Variants in RALGPS1 observed in about 807,000 individuals in gnomAD.
The protein encoded by RALGPS1 is Ral GEF with PH domain and SH3 binding motif 1.
RALGPS1 carries 19 observed loss-of-function variants against 78.8 expected under a neutral mutation model. The observed-to-expected ratio is 0.24, with a 90% CI of 0.17 to 0.35. The LOEUF is 0.35. RALGPS1 is among the 10% of genes least tolerant of loss of function. RALGPS1 has a pLI of 1.00. For missense variants in RALGPS1, 454 were observed against 688.3 expected (o/e 0.66, Z 3.81); for synonymous variants, 228 against 256.3 (o/e 0.89, Z 1.06).
chr9:127,114,809 G>C (rs1164849092), intron 8 of RALGPS1, among the ~76,000 whole-genome samples: 2 of 152,280 alleles, frequency 1.3e-5, no homozygotes, highest in Non-Finnish European at 1.5e-5. Context: ...GTTCTGGGAA[G>C]CTAGAAGCCT....
intron 4 of RALGPS1, among the ~76,000 whole-genome samples, chr9:127,030,289 TAGA>T (rs1305322294): frequency 2.6e-5 from 4 of 152,066 alleles, no homozygotes; most frequent in African/African-American, 9.7e-5. Flanking sequence ...GGGAGAAATA[TAGA>T]AGAATGTAGA....
Position 127,091,427 on chromosome 9 carries a change from T to C in RALGPS1, c.610+22071T>C, listed in dbSNP as rs1429246923. ...GGTACGTGTGATTTGTATACCTCTT[T>C]ATGTCTCGCCCCATCCCATTTTTTT... On this transcript the variant is annotated intron_variant, in intron 8 of 18. Coordinates refer to ENST00000259351, the MANE Select transcript of RALGPS1 (RefSeq NM_014636.3). This position sits in a 1 kb window ranked among gnomAD's most constrained non-coding sequence, Gnocchi z 4.3. 3.3e-5 allele frequency among the ~76,000 whole-genome samples: 5 copies of C among 152,176 alleles called. No homozygotes were observed. The highest frequency in any genetic ancestry group is 7.3e-5 in the Non-Finnish European group (5 of 68,034).
chr9:127,060,612 G>C (rs1054645020), intron 7 of RALGPS1, among the ~76,000 whole-genome samples: 1 of 152,066 alleles, frequency 6.6e-6, no homozygotes, highest in African/African-American at 2.4e-5. Context: ...TTGTATGACA[G>C]GGCCTTTTAC....
chr9:126,929,953 A>G (rs908784692), intron 1 of RALGPS1, among the ~76,000 whole-genome samples: 9 of 151,896 alleles, frequency 5.9e-5, no homozygotes, highest in African/African-American at 2.2e-4. Flanking sequence ...TGATCCTTCC[A>G]CCTCAGCCTC....
intron 5 of RALGPS1, among the ~76,000 whole-genome samples, chr9:127,036,229 A>G (rs2046854631): frequency 6.6e-6 from 1 of 152,258 alleles, no homozygotes; most frequent in African/African-American, 2.4e-5. Flanking sequence ...GAGAGCCAGC[A>G]GCTTCTGGAC....
chr9:127,216,947 C>G (rs769548398), intron 18 of RALGPS1: 5 of 1,547,686 alleles, frequency 3.2e-6, no homozygotes, highest in Non-Finnish European at 3.5e-6. Flanking sequence ...CTGACAGCCA[C>G]GAGGTGGACC....
intron 8 of RALGPS1, among the ~76,000 whole-genome samples, chr9:127,114,467 G>T (rs1437763774): frequency 6.6e-6 from 1 of 152,192 alleles, no homozygotes; most frequent in Non-Finnish European, 1.5e-5. Flanking sequence ...CCCAAAAGAG[G>T]TTGTTCTCTG....
At chr9:127,199,613 C>CTCTGCCTCCCTCG (rs1554873851) in intron 14 of RALGPS1, among the ~76,000 whole-genome samples, 1 of 52,130 alleles carries the variant, frequency 1.9e-5, no homozygotes, top group African/African-American at 4.4e-5. Context: ...TCCCTTGGCC[C>CTCTGCCTCCCTCG]AGGGTTTGGC....
intron 8 of RALGPS1, among the ~76,000 whole-genome samples, chr9:127,143,383 A>C (rs981827988): frequency 1.3e-5 from 2 of 152,178 alleles, no homozygotes; most frequent in Non-Finnish European, 2.9e-5. Flanking sequence ...TTTTAAATTA[A>C]ATGATAACTG....
chr9:127,062,200 C>G (rs374003014), intron 7 of RALGPS1, among the ~76,000 whole-genome samples: 1 of 152,146 alleles, frequency 6.6e-6, no homozygotes, highest in East Asian at 1.9e-4. Flanking sequence ...CAGGTTCACA[C>G]CATTCTCTTG....
intron 4 of RALGPS1, among the ~76,000 whole-genome samples, chr9:127,023,074 T>C (rs2045618340): frequency 6.6e-6 from 1 of 152,160 alleles, no homozygotes; most frequent in South Asian, 2.1e-4. Context: ...TATGGTTTCA[T>C]ATCAACTCTT....
intron 8 of RALGPS1, among the ~76,000 whole-genome samples, chr9:127,126,854 C>T (rs915566208): frequency 1.3e-5 from 2 of 152,050 alleles, no homozygotes; most frequent in Non-Finnish European, 2.9e-5. Flanking sequence ...GATTTTACTG[C>T]TTTTTTTTCT....
chr9:127,156,170 C>A (rs1336480529), intron 8 of RALGPS1, among the ~76,000 whole-genome samples: 1 of 152,094 alleles, frequency 6.6e-6, no homozygotes, highest in Non-Finnish European at 1.5e-5. Flanking sequence ...TGTTCCGCTA[C>A]TTGGATATAA....
intron 8 of RALGPS1, chr9:127,108,091 G>C (rs2054406496): frequency 6.2e-7 from 1 of 1,611,812 alleles, no homozygotes; most frequent in Non-Finnish European, 8.5e-7. Context: ...GGGTGGCTGG[G>C]GGACGGGCCT....
intron 11 of RALGPS1, among the ~76,000 whole-genome samples, chr9:127,180,892 A>G (rs1003993175): frequency 6.6e-5 from 10 of 152,248 alleles, no homozygotes; most frequent in African/African-American, 2.4e-4. Context: ...GGCTTGAGCT[A>G]CAAGCGGGGG....
chr9:127,139,741 G>T (rs905722758), intron 8 of RALGPS1, among the ~76,000 whole-genome samples: 2 of 152,232 alleles, frequency 1.3e-5, no homozygotes, highest in African/African-American at 4.8e-5. Flanking sequence ...TAGAACAGCT[G>T]CTGAGAGGAG....
At chr9:127,034,787 A>G (rs1367292782) in intron 5 of RALGPS1, among the ~76,000 whole-genome samples, 1 of 152,166 alleles carries the variant, frequency 6.6e-6, no homozygotes, top group Non-Finnish European at 1.5e-5. Context: ...TATGCTTTGC[A>G]AGGTTCAGCA....
At chr9:126,957,280 T>C (rs1030851003) in intron 1 of RALGPS1, among the ~76,000 whole-genome samples, 5 of 152,188 alleles carry the variant, frequency 3.3e-5, no homozygotes, top group African/African-American at 1.2e-4. Flanking sequence ...GAGGGCTGTG[T>C]TGAAGGGCTG....
Position 127,045,993 on chromosome 9 carries a change from A to G in RALGPS1, c.301-4050A>G, listed in dbSNP as rs368556597. Among the ~76,000 whole-genome samples the G allele has an allele frequency of 2.2e-4, 34 of 152,324 alleles. No homozygotes were observed. The East Asian group carries it at 3.1e-3, about 14-fold the overall frequency. ...AAAAGATGAGCCTGTTGCATATTGT[A>G]TTGCCAGAAGGTAAGGAAGTGCTCA... On this transcript the variant is annotated intron_variant, in intron 5 of 18. Coordinates refer to ENST00000259351, the MANE Select transcript of RALGPS1 (RefSeq NM_014636.3).
Sources: allele counts gnomAD v4.1 joint callset (sites outside exome capture counted in the v4.1 genomes callset), GRCh38; gene constraint gnomAD v4.1.1; non-coding constraint Gnocchi (gnomAD v3.1); transcripts MANE v1.5; gene names NCBI Gene and HGNC (gene_info 2026-07-23, HGNC 2026-07-21).